The following GLRA1 variants were observed in gnomAD, a reference collection of about 807,000 sequenced individuals.
GLRA1 encodes the protein glycine receptor subunit alpha-1.
GLRA1 carries 37 observed loss-of-function variants against 48.3 expected under a neutral mutation model. The observed-to-expected ratio is 0.77, with a 90% confidence interval of 0.59 to 1.01. GLRA1 has a LOEUF of 1.01. GLRA1 is among the 50% of genes least tolerant of loss of function. The pLI is 0.00. For synonymous variants in GLRA1, 196 were observed against 210.7 expected (o/e 0.93, Z 0.60); for missense variants, 427 against 571.0 (o/e 0.75, Z 2.57).
rs56371578 is a variant in GLRA1, at chr5:151,893,283, A to ACTTTCTTTCTTTCTTTCTTT, written c.57-865_57-846dup. ...AAGAACATGACCCTCCCTCTGCCCA[A>ACTTTCTTTCTTTCTTTCTTT]CTTTCTTTCTTTCTTTCTTTCTTTC... On this transcript the variant is annotated intron_variant, in intron 1 of 8. Coordinates refer to ENST00000274576, the MANE Select transcript of GLRA1 (RefSeq NM_000171.4). Among the ~76,000 whole-genome samples the ACTTTCTTTCTTTCTTTCTTT allele has an allele frequency of 2.9e-4, 22 of 76,178 alleles. 1 individual carries two copies. Among genetic ancestry groups the ACTTTCTTTCTTTCTTTCTTT allele is most frequent in the East Asian group, 4.5e-4 (1 of 2,234 alleles). 50.0% of individuals were successfully genotyped at this position (76,178 alleles called of 152,430 possible). A position where few individuals can be genotyped will look rare whatever the true frequency, so the allele number is the denominator to read the frequency against.
intron 3 of GLRA1, among the ~76,000 whole-genome samples, chr5:151,878,652 C>T (rs1333266039): frequency 6.6e-6 from 1 of 152,168 alleles, no homozygotes; most frequent in Non-Finnish European, 1.5e-5. Flanking sequence ...GTGTCCCAGC[C>T]ACTCCAGCCA....
intron 8 of GLRA1, among the ~76,000 whole-genome samples, chr5:151,823,404 T>A (rs76030478): frequency 0.14 from 20,785 of 152,240 alleles, 1,530 homozygotes; most frequent in African/African-American, 0.16. Context: ...TGGGTTTTAG[T>A]TAGAAATTCA....
chr5:151,829,098 G>T, intron 7 of GLRA1, 31 bp from the exon 8 acceptor site: 2 of 1,609,930 alleles, frequency 1.2e-6, no homozygotes, highest in Non-Finnish European at 1.7e-6. Flanking sequence ...AAACAGGGAG[G>T]TGAAAGCAGG....
At chr5:151,858,783 AC>A (rs1254143513) in intron 4 of GLRA1, among the ~76,000 whole-genome samples, 2 of 150,532 alleles carry the variant, frequency 1.3e-5, no homozygotes, top group Non-Finnish European at 3.0e-5. Flanking sequence ...GAAAAAAAAA[AC>A]GTGTTTCCCT....
chr5:151,873,866 G>C (rs1753556692), intron 3 of GLRA1, among the ~76,000 whole-genome samples: 1 of 152,138 alleles, frequency 6.6e-6, no homozygotes, highest in Non-Finnish European at 1.5e-5. Context: ...GTGCAGATTT[G>C]TTACATGGGT....
chr5:151,908,717 T>C (rs763153358), intron 1 of GLRA1, among the ~76,000 whole-genome samples: 80 of 152,220 alleles, frequency 5.3e-4, no homozygotes, highest in Admixed American at 9.2e-4. Flanking sequence ...CGTTTGTTGC[T>C]TCTTAATCCC....
chr5:151,924,017 G>T (rs1014638847), intron 1 of GLRA1, among the ~76,000 whole-genome samples: 4 of 152,152 alleles, frequency 2.6e-5, no homozygotes, highest in Non-Finnish European at 4.4e-5. Context: ...TGTGTCCAGC[G>T]AGTTTGAGTG....
At chr5:151,883,317 T>C (rs928962064) in intron 3 of GLRA1, among the ~76,000 whole-genome samples, 2 of 152,222 alleles carry the variant, frequency 1.3e-5, no homozygotes, top group East Asian at 3.8e-4. Flanking sequence ...TTGGGTTGGA[T>C]TTCCACTTTT....
chr5:151,893,650 G>C (rs1363592953), intron 1 of GLRA1, among the ~76,000 whole-genome samples: 1 of 151,954 alleles, frequency 6.6e-6, no homozygotes, highest in Non-Finnish European at 1.5e-5. Context: ...GAGAATGATG[G>C]CTTCCAGCTT....
intron 7 of GLRA1, among the ~76,000 whole-genome samples, chr5:151,844,481 G>T (rs1752611278): frequency 6.6e-6 from 1 of 151,444 alleles, no homozygotes; most frequent in South Asian, 2.1e-4. Context: ...AATTAGCCAG[G>T]CATGGTGGTG....
chr5:151,846,972 G>A (rs559117672), intron 7 of GLRA1, among the ~76,000 whole-genome samples: 1 of 152,192 alleles, frequency 6.6e-6, no homozygotes, highest in East Asian at 1.9e-4. Context: ...AGCAAAAATT[G>A]CATCTACCTA....
At chr5:151,878,423 C>A (rs1342110914) in intron 3 of GLRA1, among the ~76,000 whole-genome samples, 1 of 152,188 alleles carries the variant, frequency 6.6e-6, no homozygotes, top group African/African-American at 2.4e-5. Flanking sequence ...AAGAAAAACC[C>A]ATTTTCTGAG....
intron 7 of GLRA1, among the ~76,000 whole-genome samples, chr5:151,833,702 A>G (rs1763487243): frequency 6.7e-6 from 1 of 149,664 alleles, no homozygotes; most frequent in African/African-American, 2.5e-5. Context: ...ACCTCAGGCT[A>G]TCCACCTGCC....
chr5:151,835,089 G>A (rs1394368245), intron 7 of GLRA1, among the ~76,000 whole-genome samples: 3 of 149,830 alleles, frequency 2.0e-5, no homozygotes, highest in Non-Finnish European at 3.0e-5. Context: ...TGATAAAGGG[G>A]ATATCACCAC....
chr5:151,862,650 T>G (rs1406741158), intron 3 of GLRA1, among the ~76,000 whole-genome samples: 1 of 152,218 alleles, frequency 6.6e-6, no homozygotes, highest in Admixed American at 6.5e-5. Context: ...TTAGACCGGA[T>G]GAAATACAAT....
At chr5:151,838,223 T>G (rs1208408948) in intron 7 of GLRA1, among the ~76,000 whole-genome samples, 2 of 152,146 alleles carry the variant, frequency 1.3e-5, no homozygotes, top group Non-Finnish European at 2.9e-5. Context: ...ATCCCAGCAC[T>G]TTGGGAGGCT....
intron 8 of GLRA1, among the ~76,000 whole-genome samples, chr5:151,823,621 G>A (rs1243912537): frequency 6.6e-6 from 1 of 152,142 alleles, no homozygotes; most frequent in Non-Finnish European, 1.5e-5. Context: ...CACATCCCTG[G>A]CAGTTGTAAC....
intron 7 of GLRA1, among the ~76,000 whole-genome samples, chr5:151,833,159 T>C (rs1763469351): frequency 6.6e-6 from 1 of 152,102 alleles, no homozygotes; most frequent in African/African-American, 2.4e-5. Context: ...GCACTAAACA[T>C]GGAAAGGAAC....
At chr5:151,897,881 T>C (rs1259626484) in intron 1 of GLRA1, among the ~76,000 whole-genome samples, 1 of 152,190 alleles carries the variant, frequency 6.6e-6, no homozygotes, top group East Asian at 1.9e-4. Flanking sequence ...TGTATACAAA[T>C]AGATGGATGT....
Sources: gnomAD v4.1 joint callset for allele counts (sites outside exome capture counted in the v4.1 genomes callset) on GRCh38, gnomAD v4.1.1 for gene constraint, MANE v1.5 for transcripts, NCBI Gene and HGNC (gene_info 2026-07-23, HGNC 2026-07-21) for gene names.